Variants in KCNIP4 observed in about 807,000 individuals in gnomAD.
KCNIP4 encodes the protein Kv channel-interacting protein 4.
A neutral mutation model predicts 34.0 loss-of-function variants in KCNIP4; 12 were observed. The observed-to-expected ratio is 0.35, with a 90% CI of 0.23 to 0.57. The LOEUF is 0.57. Among genes scored for constraint, KCNIP4 ranks in the 20% least tolerant of loss-of-function variants. The probability of loss-of-function intolerance (pLI) is 0.83; values close to 1 mark genes in which losing one functional copy is unlikely to be tolerated. For synonymous variants in KCNIP4, 124 were observed against 102.2 expected, an observed-to-expected ratio of 1.21 and a Z score of -1.29; for missense variants, 238 against 311.7, an observed-to-expected ratio of 0.76 and a Z score of 1.78.
At chr4:21,061,137 A>G (rs1743882664) in intron 1 of KCNIP4, among the ~76,000 whole-genome samples, 1 of 152,146 alleles carries the variant, frequency 6.6e-6, no homozygotes, top group Non-Finnish European at 1.5e-5. Flanking sequence ...ATGAAGAGAA[A>G]CTGCTTAACC....
At chr4:21,798,574 G>GAAAC (rs1182119731) in intron 1 of KCNIP4, among the ~76,000 whole-genome samples, 1 of 113,112 alleles carries the variant, frequency 8.8e-6, no homozygotes, top group African/African-American at 2.9e-5. Flanking sequence ...AAGAAAGAAA[G>GAAAC]AAAGAAAGAA....
rs115063622 is a variant in KCNIP4, at chr4:21,525,383, G to A, written c.61+423188C>T. Among the ~76,000 whole-genome samples, 162 of 152,176 alleles carry A rather than the reference G, an allele frequency of 1.1e-3. 1 individual carries two copies. The highest frequency in any genetic ancestry group is 3.6e-3 in the African/African-American group (150 of 41,530). On this transcript the variant is annotated intron_variant, in intron 1 of 8. Coordinates refer to ENST00000382152, the MANE Select transcript of KCNIP4 (RefSeq NM_025221.6). Reference sequence around the variant, plus strand: ...CATGTTGACTTTACTGTTCAGTACTGAAAAGTAAAATAAGGATGTTCTCAT... The same window carrying A: ...CATGTTGACTTTACTGTTCAGTACTAAAAAGTAAAATAAGGATGTTCTCAT...
At chr4:21,472,906 A>G (rs1730589395) in intron 1 of KCNIP4, among the ~76,000 whole-genome samples, 1 of 152,234 alleles carries the variant, frequency 6.6e-6, no homozygotes, top group South Asian at 2.1e-4. Context: ...CCTGGCTCAT[A>G]GCTAGCATTA....
At chr4:21,887,880 T>A (rs575126647) in intron 1 of KCNIP4, among the ~76,000 whole-genome samples, 1 of 152,332 alleles carries the variant, frequency 6.6e-6, no homozygotes, top group East Asian at 1.9e-4. Flanking sequence ...TCTTTGAAAT[T>A]ACTTTTTGAA....
intron 1 of KCNIP4, among the ~76,000 whole-genome samples, chr4:21,284,378 A>C (rs544407481): frequency 5.9e-4 from 90 of 152,328 alleles, no homozygotes; most frequent in African/African-American, 2.1e-3. Flanking sequence ...CTTACTTTGA[A>C]CTGGCCAAGC....
intron 1 of KCNIP4, among the ~76,000 whole-genome samples, chr4:21,673,989 C>G (rs2109013061): frequency 6.6e-6 from 1 of 152,296 alleles, no homozygotes; most frequent in East Asian, 1.9e-4. Flanking sequence ...AGCACATAGT[C>G]TCATGCCTTG....
chr4:21,558,530 A>G (rs1739263895), intron 1 of KCNIP4, among the ~76,000 whole-genome samples: 1 of 151,838 alleles, frequency 6.6e-6, no homozygotes, highest in African/African-American at 2.4e-5. Context: ...ATAAAACAAA[A>G]TAAATGAGAT....
At chr4:21,428,600 G>A (rs77445794) in intron 1 of KCNIP4, among the ~76,000 whole-genome samples, 342 of 152,238 alleles carry the variant, frequency 2.2e-3, no homozygotes, top group African/African-American at 7.7e-3. Flanking sequence ...AATTTACAAC[G>A]CGATGCCCAT....
chr4:21,086,349 C>T (rs1746429122), intron 1 of KCNIP4, among the ~76,000 whole-genome samples: 2 of 152,284 alleles, frequency 1.3e-5, no homozygotes, highest in African/African-American at 4.8e-5. Flanking sequence ...TGCCCATCTC[C>T]ATCGTTGCAT....
At chr4:21,925,786 A>G (rs1347631230) in intron 1 of KCNIP4, among the ~76,000 whole-genome samples, 1 of 152,142 alleles carries the variant, frequency 6.6e-6, no homozygotes, top group Non-Finnish European at 1.5e-5. Flanking sequence ...ATATATCAAG[A>G]CCCCACGATA....
At chr4:21,875,012 T>C (rs942254200) in intron 1 of KCNIP4, among the ~76,000 whole-genome samples, 8 of 152,202 alleles carry the variant, frequency 5.3e-5, no homozygotes, top group African/African-American at 1.7e-4. Flanking sequence ...AACTAAAAAT[T>C]GTTGAGAGCT....
At chr4:21,261,625 C>A (rs182480254) in intron 1 of KCNIP4, among the ~76,000 whole-genome samples, 7 of 152,194 alleles carry the variant, frequency 4.6e-5, no homozygotes, top group Admixed American at 4.6e-4. Flanking sequence ...TAATGGTCAC[C>A]CCATTCTCCC....
At chr4:20,990,537 G>T (rs565671956) in intron 1 of KCNIP4, among the ~76,000 whole-genome samples, 2 of 152,306 alleles carry the variant, frequency 1.3e-5, no homozygotes, top group East Asian at 3.9e-4. Context: ...CAGCAATATT[G>T]CACTAATGTA....
chr4:20,817,867 G>A (rs988161484), intron 3 of KCNIP4, among the ~76,000 whole-genome samples: 3 of 152,126 alleles, frequency 2.0e-5, no homozygotes, highest in African/African-American at 4.8e-5. Flanking sequence ...AGCAAGTGGT[G>A]CAAGCACTGC....
At chr4:21,445,098 C>T (rs913559692) in intron 1 of KCNIP4, among the ~76,000 whole-genome samples, 21 of 152,118 alleles carry the variant, frequency 1.4e-4, no homozygotes, top group Non-Finnish European at 2.9e-4. Context: ...AGGAGAACTA[C>T]AAACCACTGC....
chr4:21,153,515 GTATA>G (rs59614946), intron 1 of KCNIP4, among the ~76,000 whole-genome samples: 2,462 of 140,826 alleles, frequency 0.017, 34 homozygotes, highest in East Asian at 0.075. Flanking sequence ...ATGTGTGTGT[GTATA>G]TATATATATA....
At chr4:21,556,935 A>AAAAAAAAAAAAAACAAAAC (rs1553903116) in intron 1 of KCNIP4, among the ~76,000 whole-genome samples, 1 of 149,146 alleles carries the variant, frequency 6.7e-6, no homozygotes, top group African/African-American at 2.5e-5. Context: ...AAAAAAAAAA[A>AAAAAAAAAAAAAACAAAAC]AAAAAAAACC....
At chr4:21,767,674 T>C (rs1426752256) in intron 1 of KCNIP4, among the ~76,000 whole-genome samples, 1 of 151,508 alleles carries the variant, frequency 6.6e-6, no homozygotes, top group Non-Finnish European at 1.5e-5. Flanking sequence ...TATCCTGAAA[T>C]ATATAAAACG....
intron 1 of KCNIP4, among the ~76,000 whole-genome samples, chr4:21,056,052 T>C (rs1424720655): frequency 4.6e-5 from 7 of 152,094 alleles, no homozygotes; most frequent in Non-Finnish European, 7.4e-5. Context: ...GTAGGGAACA[T>C]ATGCAGTATC....
Sources: allele counts gnomAD v4.1 joint callset (sites outside exome capture counted in the v4.1 genomes callset), GRCh38; gene constraint gnomAD v4.1.1; transcripts MANE v1.5; gene names NCBI Gene and HGNC (gene_info 2026-07-23, HGNC 2026-07-21).